MLLT10: variants seen among roughly 807,000 people sequenced by gnomAD.
MLLT10 encodes the protein MLLT10 histone lysine methyltransferase DOT1L cofactor, also known as protein AF-10.
A neutral mutation model predicts 129.1 loss-of-function variants in MLLT10; 30 were observed. The observed-to-expected ratio is 0.23, with a 90% CI of 0.17 to 0.32. MLLT10 has a LOEUF of 0.32. Among genes scored for constraint, MLLT10 ranks in the 10% least tolerant of loss-of-function variants. The pLI, the probability that MLLT10 is intolerant of heterozygous loss-of-function variation, is 1.00. For synonymous variants in MLLT10, 490 were observed against 446.4 expected, an observed-to-expected ratio of 1.10 and a Z score of -1.23; for missense variants, 1,119 against 1,268.3, an observed-to-expected ratio of 0.88 and a Z score of 1.79.
intron 5 of MLLT10, among the ~76,000 whole-genome samples, chr10:21,604,271 G>A (rs1223714371): frequency 6.6e-6 from 1 of 152,130 alleles, no homozygotes; most frequent in Non-Finnish European, 1.5e-5. Context: ...AATTGGCGAT[G>A]GATTAAGACT....
intron 9 of MLLT10, 38 bp from the exon 10 acceptor site, chr10:21,670,411 C>T: frequency 6.4e-7 from 1 of 1,556,140 alleles, no homozygotes; most frequent in Non-Finnish European, 8.7e-7. Context: ...AAAATGTAAT[C>T]AACTCTTTTT....
chr10:21,726,245 C>T lies in MLLT10; in HGVS notation c.1880C>T (p.Ala627Val). 6.3e-7 allele frequency: 1 copy of T among 1,590,474 alleles called. No individual in the cohort carries two copies. The highest frequency in any genetic ancestry group is 8.6e-7 in the Non-Finnish European group (1 of 1,163,612). The change falls in exon 15 of 23, where the codon GCA becomes GTA. Residue 627 changes from alanine to valine, a missense_variant and splice_region_variant. Coordinates refer to ENST00000307729, the MANE Select transcript of MLLT10 (RefSeq NM_001195626.3). ...SAAPAVATTQ[A>V]NTLSGSSLSQ... is the part of the protein sequence containing the mutation. Reference sequence around the variant, plus strand: ...ATCATTGTAATTTTTTCCATTTAGGCAAATACTCTATCTGGATCTTCTCTC... The same window carrying T: ...ATCATTGTAATTTTTTCCATTTAGGTAAATACTCTATCTGGATCTTCTCTC...
intron 2 of MLLT10, among the ~76,000 whole-genome samples, chr10:21,535,526 A>G (rs2033809664): frequency 6.6e-6 from 1 of 152,144 alleles, no homozygotes; most frequent in Non-Finnish European, 1.5e-5. Context: ...GGCGGTGCCA[A>G]GTCACTTTTG....
chr10:21,622,251 T>C (rs949357506), intron 8 of MLLT10, among the ~76,000 whole-genome samples: 2 of 149,904 alleles, frequency 1.3e-5, no homozygotes, highest in African/African-American at 4.9e-5. Context: ...TTGATCTCCG[T>C]GGCTCAAGGG....
chr10:21,705,660 C>T (rs942099059), intron 13 of MLLT10, among the ~76,000 whole-genome samples: 1 of 152,212 alleles, frequency 6.6e-6, no homozygotes, highest in African/African-American at 2.4e-5. Flanking sequence ...GTAGCCCACA[C>T]TTTGCTCATT....
At chr10:21,598,706 C>A (rs1479759694) in intron 5 of MLLT10, among the ~76,000 whole-genome samples, 6 of 152,086 alleles carry the variant, frequency 3.9e-5, no homozygotes, top group Non-Finnish European at 8.8e-5. Context: ...CTAATGAAAC[C>A]CTGTCTCTAC....
chr10:21,695,234 TCGCCCTGTTGGC>T (rs1431894387), intron 13 of MLLT10, among the ~76,000 whole-genome samples: 1 of 152,118 alleles, frequency 6.6e-6, no homozygotes, highest in Non-Finnish European at 1.5e-5. Flanking sequence ...CACAGGCGTT[TCGCCCTGTTGGC>T]CAGGCTGGTC....
intron 8 of MLLT10, among the ~76,000 whole-genome samples, chr10:21,629,691 T>C (rs114462301): frequency 0.031 from 4,674 of 152,318 alleles, 243 homozygotes; most frequent in African/African-American, 0.11. Context: ...AATGTTATGT[T>C]CTTTGGATTT....
At chr10:21,738,347 C>T (rs894640855) in intron 21 of MLLT10, 84 of 1,232,952 alleles carry the variant, frequency 6.8e-5, no homozygotes, top group Non-Finnish European at 8.4e-5. Flanking sequence ...AATATGAGCA[C>T]TAAAACTCCA....
intron 10 of MLLT10, among the ~76,000 whole-genome samples, chr10:21,672,601 A>C (rs2051577264): frequency 6.6e-6 from 1 of 152,126 alleles, no homozygotes; most frequent in Non-Finnish European, 1.5e-5. Context: ...CACTGCACCC[A>C]GCCTAAGTTT....
chr10:21,738,913 C>T (rs1021896029), intron 21 of MLLT10, among the ~76,000 whole-genome samples: 1 of 152,208 alleles, frequency 6.6e-6, no homozygotes, highest in African/African-American at 2.4e-5. Flanking sequence ...ATACTTACAT[C>T]TCCAGCCAGA....
intron 2 of MLLT10, among the ~76,000 whole-genome samples, chr10:21,537,720 C>T (rs936047344): frequency 4.6e-5 from 7 of 151,914 alleles, no homozygotes; most frequent in Admixed American, 1.3e-4. Context: ...CCTCCTGCCT[C>T]GGCCTGCCAA....
chr10:21,602,351 T>TATTTATTTTTTTTTGAAAAA, intron 5 of MLLT10, among the ~76,000 whole-genome samples: 1 of 151,010 alleles, frequency 6.6e-6, no homozygotes, highest in South Asian at 2.1e-4. Context: ...AGGTCAAATT[T>TATTTATTTTTTTTTGAAAAA]ATTTATTTTT....
In MLLT10 at chr10:21,593,959, G is replaced by A. The variant is rs1449251948; in HGVS notation, c.296-1372G>A. Among the ~76,000 whole-genome samples the A allele has an allele frequency of 4.4e-4, 44 of 100,762 alleles. No individual in the cohort carries two copies. The South Asian group carries it at 7.7e-3, about 18-fold the overall frequency. 66.1% of individuals were successfully genotyped at this position (100,762 alleles called of 152,430 possible). A position where few individuals can be genotyped will look rare whatever the true frequency, so the allele number is the denominator to read the frequency against. ...AAAAAAAAAAAAAAAAAAAAAAAAA[G>A]GTGGAAATTATTTGTAGCCAAGATG... On this transcript the variant is annotated intron_variant, in intron 4 of 22. Transcript: ENST00000307729.
At chr10:21,574,143 TAATG>T (rs2040493807) in intron 3 of MLLT10, among the ~76,000 whole-genome samples, 2 of 152,216 alleles carry the variant, frequency 1.3e-5, no homozygotes, top group South Asian at 4.1e-4. Flanking sequence ...AGGATTTTGA[TAATG>T]AATTCAACTT....
chr10:21,627,722 AT>A (rs1274346189), intron 8 of MLLT10, among the ~76,000 whole-genome samples: 6 of 152,088 alleles, frequency 3.9e-5, no homozygotes, highest in Non-Finnish European at 8.8e-5. Context: ...CCATTCTTTG[AT>A]TTGAGCATTG....
At chr10:21,535,406 G>A (rs1451652092) in intron 2 of MLLT10, among the ~76,000 whole-genome samples, 1 of 152,172 alleles carries the variant, frequency 6.6e-6, no homozygotes, top group African/African-American at 2.4e-5. Context: ...GTAGCTGTCT[G>A]CGGAGGAGAT....
chr10:21,664,587 A>G (rs183726658), intron 9 of MLLT10, among the ~76,000 whole-genome samples: 2 of 151,666 alleles, frequency 1.3e-5, no homozygotes, highest in African/African-American at 2.4e-5. Context: ...GCCCGGCTCT[A>G]TGTGTTTTTT....
intron 21 of MLLT10, 120 bp from the exon 22 acceptor site, chr10:21,739,910 T>C (rs147939511): frequency 1.8e-4 from 134 of 761,488 alleles, no homozygotes; most frequent in Non-Finnish European, 2.8e-4. Context: ...CTAGATGAGA[T>C]ACTTGTTTTC....
Sources: allele counts gnomAD v4.1 joint callset (sites outside exome capture counted in the v4.1 genomes callset), GRCh38; gene constraint gnomAD v4.1.1; transcripts MANE v1.5; gene names NCBI Gene and HGNC (gene_info 2026-07-23, HGNC 2026-07-21).